GPATCH2L: variants seen among roughly 807,000 people sequenced by gnomAD.
GPATCH2L encodes G patch domain-containing protein 2-like.
GPATCH2L carries 31 observed loss-of-function variants against 57.4 expected under a neutral mutation model. The observed-to-expected ratio is 0.54, with a 90% CI of 0.41 to 0.73. The LOEUF (loss-of-function observed/expected upper bound fraction) is 0.73. Ranked by LOEUF, GPATCH2L falls within the 30% of genes least tolerant of loss-of-function variation. GPATCH2L has a pLI of 0.00. For synonymous variants in GPATCH2L, 199 were observed against 210.7 expected (o/e 0.94, Z 0.48); for missense variants, 481 against 599.9 (o/e 0.80, Z 2.07).
chr14:76,223,391 A>C (rs1195947446), intron 1 of GPATCH2L, among the ~76,000 whole-genome samples: 1 of 152,224 alleles, frequency 6.6e-6, no homozygotes, highest in Non-Finnish European at 1.5e-5. Context: ...ATGCGAAATA[A>C]TGAAGTTGGA....
intron 8 of GPATCH2L, among the ~76,000 whole-genome samples, chr14:76,182,950 C>T (rs1284596981): frequency 6.6e-6 from 1 of 152,156 alleles, no homozygotes; most frequent in East Asian, 1.9e-4. Flanking sequence ...TGTCTTAATA[C>T]CAAATAAAAT....
intron 2 of GPATCH2L, among the ~76,000 whole-genome samples, chr14:76,232,304 G>A (rs1034613630): frequency 6.6e-6 from 1 of 152,050 alleles, no homozygotes; most frequent in Admixed American, 6.6e-5. Context: ...TTGTTCCCAG[G>A]CTTTTTTTTT....
intron 1 of GPATCH2L, chr14:76,152,739 C>T (rs1420304432): frequency 2.2e-6 from 1 of 456,078 alleles, no homozygotes; most frequent in Admixed American, 2.3e-5. Context: ...TGACTTCGTT[C>T]CATGTTCAAG....
At chr14:76,164,579 C>T (rs2038743743) in intron 2 of GPATCH2L, among the ~76,000 whole-genome samples, 1 of 151,494 alleles carries the variant, frequency 6.6e-6, no homozygotes, top group Non-Finnish European at 1.5e-5. Flanking sequence ...CATAATACAA[C>T]CAAAACACTG....
chr14:76,194,963 GTTC>G lies in GPATCH2L; in HGVS notation c.1194-912_1194-910del, dbSNP rs2040101399. Reference sequence around the variant, plus strand: ...TAAAGTTTCTGTTCTCAAGATCCCTGTTCTTAATCTCAAAGAGATTAAGCCTTC... The same window carrying G: ...TAAAGTTTCTGTTCTCAAGATCCCTGTTAATCTCAAAGAGATTAAGCCTTC... On this transcript the variant is annotated intron_variant, in intron 8 of 9. Coordinates refer to ENST00000261530, the MANE Select transcript of GPATCH2L (RefSeq NM_017926.4). Among the ~76,000 whole-genome samples the G allele has an allele frequency of 6.6e-5, 10 of 152,126 alleles. 1 individual carries two copies. In the South Asian group the frequency reaches 2.1e-3, roughly 32 times the overall value.
rs554663257 is a variant in GPATCH2L, at chr14:76,211,964, A to G, written c.*10113A>G. 1.1e-4 allele frequency: 16 copies of G among 152,326 alleles called. No homozygotes were observed. The highest frequency in any genetic ancestry group is 3.8e-4 in the African/African-American group (16 of 41,578). The allele number at this position is 152,326 out of a possible 1,614,324, so 9.4% of individuals were successfully genotyped here. A position where few individuals can be genotyped will look rare whatever the true frequency, so the allele number is the denominator to read the frequency against. ...AGTCTAGCTTTTGTACATAGAAATA[A>G]GAAAGTGACTTATGTTCCATTATTA... On this transcript the variant is annotated 3_prime_UTR_variant, in exon 10 of 10. Transcript: ENST00000261530.
Position 76,212,324 on chromosome 14 carries a change from A to G in GPATCH2L, c.*10473A>G, listed in dbSNP as rs1053538128. 6.6e-6 allele frequency: 1 copy of G among 152,160 alleles called. No homozygotes were observed. Among genetic ancestry groups the G allele is most frequent in the African/African-American group, 2.4e-5 (1 of 41,454 alleles). 9.4% of individuals were successfully genotyped at this position (152,160 alleles called of 1,614,324 possible). A position where few individuals can be genotyped will look rare whatever the true frequency, so the allele number is the denominator to read the frequency against. ...AGATTCAGAAAGGTTGAGCAAAAGT[A>G]AACCAAGCAAACACAAACAAGAAAA... On this transcript the variant is annotated 3_prime_UTR_variant, in exon 10 of 10. Coordinates refer to ENST00000261530, the MANE Select transcript of GPATCH2L (RefSeq NM_017926.4).
rs1008768943 is a variant in GPATCH2L, at chr14:76,213,320, A to G, written c.*11469A>G. On this transcript the variant is annotated 3_prime_UTR_variant, in exon 10 of 10. Transcript: ENST00000261530. ...TAAATGGATAATTTTCCAGGAAGGT[A>G]TAGTTTGCCAAAAAATGACATCAAA... is the stretch of plus-strand genomic sequence containing the variant. 11 of 152,192 alleles carry G rather than the reference A, an allele frequency of 7.2e-5. No homozygotes were observed. The highest frequency in any genetic ancestry group is 1.6e-4 in the Non-Finnish European group (11 of 68,032). 9.4% of individuals were successfully genotyped at this position (152,192 alleles called of 1,614,324 possible).
intron 8 of GPATCH2L, among the ~76,000 whole-genome samples, chr14:76,193,873 T>C (rs1270401936): frequency 2.0e-5 from 3 of 152,170 alleles, no homozygotes; most frequent in Non-Finnish European, 2.9e-5. Flanking sequence ...TGTTTCTCCT[T>C]CTGAATCATG....
Position 76,210,043 on chromosome 14 carries a change from C to T in GPATCH2L, c.*8192C>T, listed in dbSNP as rs914921610. 6.6e-6 allele frequency: 1 copy of T among 152,178 alleles called. No homozygotes were observed. Among genetic ancestry groups the T allele is most frequent in the East Asian group, 1.9e-4 (1 of 5,188 alleles). The allele number at this position is 152,178 out of a possible 1,614,324, so 9.4% of individuals were successfully genotyped here. ...TGAACACTGATGAAGCGAAGTCCTC[C>T]TCAGGGACCTCTTAGGGAAGAGGGT... On this transcript the variant is annotated 3_prime_UTR_variant, in exon 10 of 10. Transcript: ENST00000261530.
intron 2 of GPATCH2L, among the ~76,000 whole-genome samples, chr14:76,162,323 A>G (rs982905244): frequency 1.3e-5 from 2 of 152,250 alleles, no homozygotes; most frequent in Non-Finnish European, 2.9e-5. Flanking sequence ...CCGCATCTGT[A>G]GGACATGGTA....
At chr14:76,169,916 GCAT>G (rs2039009349) in intron 3 of GPATCH2L, among the ~76,000 whole-genome samples, 1 of 152,138 alleles carries the variant, frequency 6.6e-6, no homozygotes, top group African/African-American at 2.4e-5. Context: ...GGCCAGCTTG[GCAT>G]CATGAGGGAA....
rs142605583 is a variant in GPATCH2L, at chr14:76,189,170, T to C, written c.1194-6708T>C. On this transcript the variant is annotated intron_variant, in intron 8 of 9. Coordinates refer to ENST00000261530, the MANE Select transcript of GPATCH2L (RefSeq NM_017926.4). ...TCAGTTTTGTTCTTTTTGTTTAGGATAGCTTTGGCTGTTCTGGGTCTCTTG... is the reference window on the plus strand; with the variant it reads ...TCAGTTTTGTTCTTTTTGTTTAGGACAGCTTTGGCTGTTCTGGGTCTCTTG... 4.9e-3 allele frequency among the ~76,000 whole-genome samples: 740 copies of C among 152,250 alleles called. 3 individuals carry two copies. Among genetic ancestry groups the C allele is most frequent in the South Asian group, 0.013 (62 of 4,822 alleles).
intron 8 of GPATCH2L, among the ~76,000 whole-genome samples, chr14:76,186,825 A>T (rs978292397): frequency 2.0e-5 from 3 of 152,164 alleles, no homozygotes; most frequent in African/African-American, 7.2e-5. Context: ...TTTGGCTCTT[A>T]TGGGCGGCAT....
At chr14:76,167,149 A>G (rs1242137113) in intron 3 of GPATCH2L, among the ~76,000 whole-genome samples, 1 of 152,214 alleles carries the variant, frequency 6.6e-6, no homozygotes, top group Admixed American at 6.5e-5. Context: ...CCTTATTTAT[A>G]AATGATTATA....
chr14:76,152,454 T>G, intron 1 of GPATCH2L: 1 of 315,082 alleles, frequency 3.2e-6, no homozygotes, highest in Non-Finnish European at 6.4e-6. Context: ...AAATGAGCAG[T>G]TGCCTCCTGC....
At chr14:76,152,488 C>G in intron 1 of GPATCH2L, 1 of 335,626 alleles carries the variant, frequency 3.0e-6, no homozygotes, top group Non-Finnish European at 6.0e-6. Flanking sequence ...TACTCCGCCC[C>G]TCACTTCCAC....
intron 2 of GPATCH2L, among the ~76,000 whole-genome samples, chr14:76,166,247 GA>G (rs2038833085): frequency 6.6e-6 from 1 of 152,120 alleles, no homozygotes. Flanking sequence ...GTAGATGGGG[GA>G]AAACTTGAAA....
chr14:76,173,734 G>GATA (rs1566788480), intron 5 of GPATCH2L, 109 bp downstream of exon 5: 1 of 737,662 alleles, frequency 1.4e-6, no homozygotes, highest in Admixed American at 1.9e-5. Context: ...GAAGTTAATG[G>GATA]AGCCAACTGG....
Sources: allele counts gnomAD v4.1 joint callset (sites outside exome capture counted in the v4.1 genomes callset), GRCh38; gene constraint gnomAD v4.1.1; transcripts MANE v1.5; gene names NCBI Gene and HGNC (gene_info 2026-07-23, HGNC 2026-07-21).